The following MYLK4 variants were observed in gnomAD, a reference collection of about 807,000 sequenced individuals.
MYLK4 encodes caMLCK like.
MYLK4 carries 46 observed loss-of-function variants against 48.1 expected under a neutral mutation model. That is an observed-to-expected ratio of 0.96 (90% CI 0.75 to 1.22). The LOEUF (loss-of-function observed/expected upper bound fraction) is 1.22. Ranked by LOEUF, MYLK4 falls within the 50% of genes most tolerant of loss-of-function variation. The pLI is 0.00. For synonymous variants in MYLK4, 170 were observed against 180.8 expected, an observed-to-expected ratio of 0.94 and a Z score of 0.48; for missense variants, 451 against 486.1, an observed-to-expected ratio of 0.93 and a Z score of 0.68.
At chr6:2,749,539 T>C (rs1326673848) in intron 1 of MYLK4, 133 bp from the exon 2 acceptor site, 1 of 347,638 alleles carries the variant, frequency 2.9e-6, no homozygotes, top group Non-Finnish European at 5.2e-6. Flanking sequence ...GGAAAAGAAA[T>C]ACTAACATTC....
rs1284972830 is a variant in MYLK4 at position 2,699,271 on chromosome 6, A to ACTTTT, written c.160-6417_160-6413dup. On this transcript the variant is annotated intron_variant, in intron 2 of 12. Transcript: ENST00000274643. ...GTATCATAAGAGAAAGCATGCTACC[A>ACTTTT]CTTTTCTTTTCTTTTCTTTTTTTTT... 2.3e-4 allele frequency among the ~76,000 whole-genome samples: 23 copies of ACTTTT among 98,600 alleles called. 1 individual carries two copies. The highest frequency in any genetic ancestry group is 4.3e-4 in the Admixed American group (4 of 9,336). 64.7% of individuals were successfully genotyped at this position (98,600 alleles called of 152,430 possible).
intron 6 of MYLK4, among the ~76,000 whole-genome samples, chr6:2,684,383 A>T (rs1761446826): frequency 6.6e-6 from 1 of 152,190 alleles, no homozygotes; most frequent in African/African-American, 2.4e-5. Flanking sequence ...TTTTCCACTT[A>T]ATATTTTGGG....
the MYLK4 span, among the ~76,000 whole-genome samples, chr6:2,759,685 G>A: frequency 6.6e-6 from 1 of 152,050 alleles, no homozygotes; most frequent in Non-Finnish European, 1.5e-5. Flanking sequence ...TTTACGGTTA[G>A]TGCATTATTT....
intron 2 of MYLK4, among the ~76,000 whole-genome samples, chr6:2,716,435 A>G (rs1762868617): frequency 6.6e-6 from 1 of 152,276 alleles, no homozygotes; most frequent in Non-Finnish European, 1.5e-5. Context: ...TCTCAAAGAA[A>G]TCACAAGAAG....
At chr6:2,767,532 T>C in the MYLK4 span, among the ~76,000 whole-genome samples, 19 of 152,238 alleles carry the variant, frequency 1.2e-4, no homozygotes, top group Admixed American at 9.8e-4. Flanking sequence ...ATGCCTTCCC[T>C]TTGGCCAGGA....
chr6:2,679,284 TATAGGCG>T lies in MYLK4; in HGVS notation c.876_882del (p.Ala293CysfsTer18), dbSNP rs1561833301. 4.3e-6 allele frequency: 7 copies of T among 1,614,116 alleles called. No individual in the cohort carries two copies. The highest frequency in any genetic ancestry group is 5.9e-6 in the Non-Finnish European group (7 of 1,180,002). ...AGACAGAGGAGAGCTACTCACAGCA[TATAGGCG>T]ATGACCCCCACACTCCACATGTCAG... On this transcript the variant is annotated frameshift_variant, in exon 9 of 13. Coordinates refer to ENST00000274643, the MANE Select transcript of MYLK4 (RefSeq NM_001012418.5). LOFTEE classifies it high-confidence loss of function.
In MYLK4 at chr6:2,671,284, T is replaced by C. The variant is rs1476451635; in HGVS notation, c.*17A>G. The C allele has an allele frequency of 3.1e-6, 5 of 1,613,032 alleles. No homozygotes were observed. The African/African-American group carries it at 5.3e-5, about 17-fold the overall frequency. On this transcript the variant is annotated 3_prime_UTR_variant, in exon 12 of 13. Coordinates refer to ENST00000274643, the MANE Select transcript of MYLK4 (RefSeq NM_001012418.5). ...GGAGACCCAAGACTAACCTTCCAAA[T>C]GGCTGCCTCCTGTAGACTATTTGGT...
intron 2 of MYLK4, among the ~76,000 whole-genome samples, chr6:2,716,166 T>A (rs180983619): frequency 5.9e-5 from 9 of 152,374 alleles, no homozygotes; most frequent in Admixed American, 5.2e-4. Context: ...TTTCTTTCCC[T>A]CATCACCAAA....
chr6:2,679,356 C>G lies in MYLK4; in HGVS notation c.811G>C (p.Ala271Pro), dbSNP rs146436167. 1 of 1,614,090 alleles carries G rather than the reference C, an allele frequency of 6.2e-7. No homozygotes were observed. The part of the protein sequence containing the change: ...KVNFGTPEFL[A>P]PEVVNYDFVS... ...AAATCATAGTTCACAACTTCAGGGG[C>G]GAGAAATTCTGGGGTTCCAAAGTTC... Residue 271 changes from alanine (A) to proline (P), a missense_variant, in exon 9 of 13, where the codon GCC (alanine) becomes CCC (proline). Coordinates refer to ENST00000274643, the MANE Select transcript of MYLK4 (RefSeq NM_001012418.5).
At chr6:2,681,511 T>A (rs888748160) in intron 7 of MYLK4, among the ~76,000 whole-genome samples, 1 of 152,138 alleles carries the variant, frequency 6.6e-6, no homozygotes, top group African/African-American at 2.4e-5. Flanking sequence ...CATCAAAAAG[T>A]TTGCAGGATA....
chr6:2,716,907 T>C (rs1762884531), intron 2 of MYLK4, among the ~76,000 whole-genome samples: 1 of 152,212 alleles, frequency 6.6e-6, no homozygotes, highest in Non-Finnish European at 1.5e-5. Context: ...GTTACTATAG[T>C]AAAGATAAGA....
At chr6:2,764,273 C>A in the MYLK4 span, among the ~76,000 whole-genome samples, 3 of 152,162 alleles carry the variant, frequency 2.0e-5, no homozygotes, top group Non-Finnish European at 2.9e-5. Flanking sequence ...AACCAGCCAG[C>A]CAGGCGTGGT....
At chr6:2,734,973 C>G (rs1211105969) in intron 2 of MYLK4, among the ~76,000 whole-genome samples, 1 of 152,258 alleles carries the variant, frequency 6.6e-6, no homozygotes, top group South Asian at 2.1e-4. Context: ...CCACTCTGAG[C>G]AATCAGATTC....
intron 7 of MYLK4, 118 bp downstream of exon 7, chr6:2,682,900 ATGT>A (rs1761365055): frequency 5.7e-6 from 6 of 1,057,508 alleles, no homozygotes; most frequent in Non-Finnish European, 8.6e-6. Flanking sequence ...AACAATTCAG[ATGT>A]TTATTCATTT....
At chr6:2,687,092 C>T (rs1761587246) in intron 4 of MYLK4, among the ~76,000 whole-genome samples, 2 of 152,174 alleles carry the variant, frequency 1.3e-5, no homozygotes, top group South Asian at 4.1e-4. Flanking sequence ...TGATGGATAC[C>T]CTCAAGGCCA....
At chr6:2,684,210 T>A (rs935542393) in intron 6 of MYLK4, among the ~76,000 whole-genome samples, 1 of 152,162 alleles carries the variant, frequency 6.6e-6, no homozygotes, top group African/African-American at 2.4e-5. Context: ...GTCAATCTGA[T>A]GACCCGGTCG....
intron 2 of MYLK4, among the ~76,000 whole-genome samples, chr6:2,702,987 C>G (rs989149331): frequency 1.3e-5 from 2 of 152,136 alleles, no homozygotes; most frequent in African/African-American, 4.8e-5. Flanking sequence ...AGCTGGTATG[C>G]TGGTACCATC....
At chr6:2,736,349 G>A (rs1223096364) in intron 2 of MYLK4, among the ~76,000 whole-genome samples, 1 of 152,220 alleles carries the variant, frequency 6.6e-6, no homozygotes, top group Non-Finnish European at 1.5e-5. Flanking sequence ...CCGCCTCCCA[G>A]GTTCAAGCAA....
rs376832296 is a variant in MYLK4, at chr6:2,744,120, C to T, written c.159+5016G>A. 74 of 364,238 alleles carry T rather than the reference C, an allele frequency of 2.0e-4. 2 individuals carry two copies. The highest frequency in any genetic ancestry group is 6.2e-4 in the Admixed American group (11 of 17,720). 22.6% of individuals were successfully genotyped at this position (364,238 alleles called of 1,614,324 possible). A position where few individuals can be genotyped will look rare whatever the true frequency, so the allele number is the denominator to read the frequency against. On this transcript the variant is annotated intron_variant, in intron 2 of 12. Transcript: ENST00000274643. ...AGCACCAGCACTTCTCAAGCAGTGT[C>T]ACCCTTTGCTCTGCCCTGAGGAGTG...
Sources: gnomAD v4.1 joint callset for allele counts (sites outside exome capture counted in the v4.1 genomes callset) on GRCh38, gnomAD v4.1.1 for gene constraint, MANE v1.5 for transcripts, NCBI Gene and HGNC (gene_info 2026-07-23, HGNC 2026-07-21) for gene names.